The following SMC6 variants were observed in gnomAD, a reference collection of about 807,000 sequenced individuals.
SMC6 encodes the protein structural maintenance of chromosomes protein 6.
SMC6 carries 79 observed loss-of-function variants against 142.2 expected under a neutral mutation model. That is an observed-to-expected ratio of 0.56 (90% CI 0.46 to 0.67). The LOEUF (loss-of-function observed/expected upper bound fraction) is 0.67, where lower values mean the gene tolerates loss of function less well. SMC6 is among the 30% of genes least tolerant of loss of function. The pLI is 0.00. For missense variants in SMC6, 1,072 were observed against 1,284.0 expected (o/e 0.83, Z 2.52); for synonymous variants, 411 against 412.4 (o/e 1.00, Z 0.04).
At chr2:17,681,856 T>C (rs1438978000) in intron 24 of SMC6, 1 of 152,158 alleles carries the variant, frequency 6.6e-6, no homozygotes, top group Non-Finnish European at 1.5e-5. Flanking sequence ...GTTGGATAAA[T>C]GGTGCTGACA....
At chr2:17,748,459 C>G (rs1251389900) in intron 2 of SMC6, among the ~76,000 whole-genome samples, 1 of 152,120 alleles carries the variant, frequency 6.6e-6, no homozygotes, top group Non-Finnish European at 1.5e-5. Context: ...TAAACAAATG[C>G]CTTTTAAGAC....
chr2:17,750,190 T>C (rs765875786), intron 2 of SMC6, among the ~76,000 whole-genome samples: 4 of 152,126 alleles, frequency 2.6e-5, no homozygotes, highest in Non-Finnish European at 5.9e-5. Flanking sequence ...TGGCTCAATA[T>C]AGAAGATAGA....
chr2:17,713,076 T>G (rs924867555), intron 16 of SMC6, among the ~76,000 whole-genome samples: 1 of 152,218 alleles, frequency 6.6e-6, no homozygotes, highest in African/African-American at 2.4e-5. Context: ...GTCTAAACAC[T>G]TTCTCGTAGG....
chr2:17,737,659 C>T (rs1430653722), intron 5 of SMC6, among the ~76,000 whole-genome samples: 2 of 152,150 alleles, frequency 1.3e-5, no homozygotes. Context: ...TGACTATTCA[C>T]CAAGGGTCTG....
chr2:17,700,604 G>C (rs1378623287), intron 20 of SMC6, among the ~76,000 whole-genome samples: 2 of 152,088 alleles, frequency 1.3e-5, no homozygotes, highest in Admixed American at 6.6e-5. Flanking sequence ...ACAATATTCT[G>C]CTTAAGATCA....
At chr2:17,698,604 C>T (rs1447195848) in intron 21 of SMC6, among the ~76,000 whole-genome samples, 1 of 152,058 alleles carries the variant, frequency 6.6e-6, no homozygotes, top group African/African-American at 2.4e-5. Flanking sequence ...TTCAACCTGC[C>T]TATATGGCTG....
At chr2:17,725,384 C>T (rs781650908) in intron 8 of SMC6, 26 bp from the exon 9 acceptor site, 4 of 1,494,596 alleles carry the variant, frequency 2.7e-6, no homozygotes, top group Admixed American at 2.2e-5. Flanking sequence ...AAAAAAAACG[C>T]AATTAGGAGT....
At chr2:17,710,768 C>T (rs1015627550) in intron 16 of SMC6, among the ~76,000 whole-genome samples, 1 of 152,178 alleles carries the variant, frequency 6.6e-6, no homozygotes, top group East Asian at 1.9e-4. Flanking sequence ...TTGATAAGAG[C>T]TGTTTTGGTA....
chr2:17,668,229 A>G (rs1381901166), intron 26 of SMC6, among the ~76,000 whole-genome samples: 3 of 152,208 alleles, frequency 2.0e-5, no homozygotes, highest in African/African-American at 7.2e-5. Context: ...TTCTGGACAA[A>G]AACACTGCAT....
Position 17,708,703 on chromosome 2 carries a change from T to A in SMC6, c.1781A>T (p.Asp594Val). The change falls in exon 17 of 28, where the codon GAT becomes GTT. Residue 594 changes from aspartate (D) to valine (V), a missense_variant. Transcript: ENST00000448223. The stretch of plus-strand genomic sequence containing the variant: ...TAGGCTATTTGCCACAACCGCATTA[T>A]CTATTTCTAAAGCTGTCAGAACTGT... ...FPTVLTALEI[D>V]NAVVANSLID... 2 of 1,565,362 alleles carry A rather than the reference T, an allele frequency of 1.3e-6. No individual in the cohort carries two copies. Among genetic ancestry groups the A allele is most frequent in the East Asian group, 2.4e-5 (1 of 42,466 alleles).
intron 11 of SMC6, 115 bp from the exon 12 acceptor site, chr2:17,718,338 G>T: frequency 1.7e-6 from 1 of 601,150 alleles, no homozygotes; most frequent in Non-Finnish European, 2.6e-6. Flanking sequence ...CAAGACATCA[G>T]GCAAATAAAC....
chr2:17,691,678 C>A lies in SMC6; in HGVS notation c.2678+3474G>T, dbSNP rs563209597. ...ACAAGACAGGGATGCCCTCTCTCAC[C>A]ACTCCTATTCCACATAGTGTTGGAA... On this transcript the variant is annotated intron_variant, in intron 23 of 27. Coordinates refer to ENST00000448223, the MANE Select transcript of SMC6 (RefSeq NM_001142286.2). 5.9e-5 allele frequency among the ~76,000 whole-genome samples: 9 copies of A among 152,130 alleles called. No individual in the cohort carries two copies. In the South Asian group the frequency reaches 1.9e-3, roughly 32 times the overall value.
chr2:17,693,653 T>C (rs575339990), intron 23 of SMC6, among the ~76,000 whole-genome samples: 90 of 151,636 alleles, frequency 5.9e-4, no homozygotes, highest in African/African-American at 1.6e-3. Context: ...CAAACCTGCA[T>C]GTTGTGCACA....
Position 17,670,264 on chromosome 2 carries a change from CTAGTTCTT to C in SMC6, c.3063+151_3063+158del, listed in dbSNP as rs141594109. 8.9e-3 allele frequency among the ~76,000 whole-genome samples: 1,353 copies of C among 152,272 alleles called. 8 individuals carry two copies. Among genetic ancestry groups the C allele is most frequent in the Non-Finnish European group, 0.014 (966 of 68,022 alleles). ...GTGCCTAGAAGCAAGGGAGAGAACT[CTAGTTCTT>C]TAGTTCTTCCCCACTACTGGTCACA... On this transcript the variant is annotated intron_variant, in intron 26 of 27. Coordinates refer to ENST00000448223, the MANE Select transcript of SMC6 (RefSeq NM_001142286.2).
intron 25 of SMC6, among the ~76,000 whole-genome samples, chr2:17,675,249 T>C (rs187096104): frequency 9.9e-5 from 15 of 152,252 alleles, no homozygotes; most frequent in African/African-American, 3.6e-4. Context: ...TATTACTTCC[T>C]GAAAAGTATA....
At chr2:17,738,561 T>C (rs1670272705) in intron 4 of SMC6, among the ~76,000 whole-genome samples, 1 of 152,228 alleles carries the variant, frequency 6.6e-6, no homozygotes, top group African/African-American at 2.4e-5. Flanking sequence ...AGGAATCAAA[T>C]TGTTGCCACT....
chr2:17,674,598 ATC>A (rs1666919876), intron 25 of SMC6, among the ~76,000 whole-genome samples: 1 of 152,266 alleles, frequency 6.6e-6, no homozygotes, highest in South Asian at 2.1e-4. Context: ...CTGACTTTTA[ATC>A]TGATTGTTCT....
chr2:17,678,916 C>T lies in SMC6; in HGVS notation c.2853G>A (p.Gln951=), dbSNP rs1221644068. 1 of 1,612,652 alleles carries T rather than the reference C, an allele frequency of 6.2e-7. No individual in the cohort carries two copies. The highest frequency in any genetic ancestry group is 1.7e-5 in the Admixed American group (1 of 59,802). Reference sequence around the variant, plus strand: ...AATTCATTTTTCCACAATAGGCCCGCTGAGATAGTAAGTTGTCAAAGTATA... The same window carrying T: ...AATTCATTTTTCCACAATAGGCCCGTTGAGATAGTAAGTTGTCAAAGTATA... ...CKLYFDNLLS[Q]RAYCGKMNFD... Residue 951 remains glutamine (Q), a synonymous_variant, in exon 25 of 28, where the codon CAG becomes CAA. Transcript: ENST00000448223.
chr2:17,666,984 A>G (rs1558320127), intron 26 of SMC6, among the ~76,000 whole-genome samples: 1 of 152,224 alleles, frequency 6.6e-6, no homozygotes, highest in Non-Finnish European at 1.5e-5. Flanking sequence ...CCCATCTCTA[A>G]GGGAAAAAAG....
Sources: allele counts gnomAD v4.1 joint callset (sites outside exome capture counted in the v4.1 genomes callset), GRCh38; gene constraint gnomAD v4.1.1; transcripts MANE v1.5; gene names NCBI Gene and HGNC (gene_info 2026-07-23, HGNC 2026-07-21).